Variants in COL4A4 observed in about 807,000 individuals in gnomAD.
The protein encoded by COL4A4 is collagen type IV alpha 4 chain, also known as collagen alpha-4(IV) chain.
A neutral mutation model predicts 192.9 loss-of-function variants in COL4A4; 105 were observed. The ratio of observed to expected loss-of-function variants is 0.54; its 90% CI spans 0.46 to 0.64. The LOEUF (loss-of-function observed/expected upper bound fraction) is 0.64. Ranked by LOEUF, COL4A4 falls within the 30% of genes least tolerant of loss-of-function variation. The pLI, the probability that COL4A4 is intolerant of heterozygous loss-of-function variation, is 0.00. For synonymous variants in COL4A4, 762 were observed against 769.9 expected (o/e 0.99, Z 0.17); for missense variants, 1,967 against 2,169.3 (o/e 0.91, Z 1.85).
Position 227,124,929 on chromosome 2 carries a change from G to A in COL4A4, c.193-3781C>T, listed in dbSNP as rs149053676. On this transcript the variant is annotated intron_variant, in intron 4 of 47. Transcript: ENST00000396625. ...CTTCCCCAAATTATCTTTTGTGAAT[G>A]CAGTACTTTACAGTAATGTATTATT... Among the ~76,000 whole-genome samples, 587 of 152,268 alleles carry A rather than the reference G, an allele frequency of 3.9e-3. 1 individual carries two copies. Among genetic ancestry groups the A allele is most frequent in the African/African-American group, 0.014 (564 of 41,554 alleles).
chr2:226,974,445 G>C, the COL4A4 span, among the ~76,000 whole-genome samples: 1 of 152,016 alleles, frequency 6.6e-6, no homozygotes, highest in African/African-American at 2.4e-5. Flanking sequence ...CACCGTGTTA[G>C]CCAGGATGGT....
At chr2:226,978,090 A>C in the COL4A4 span, among the ~76,000 whole-genome samples, 4 of 152,100 alleles carry the variant, frequency 2.6e-5, no homozygotes, top group African/African-American at 9.7e-5. Context: ...TTCTACTGTG[A>C]GATAATTATC....
chr2:227,160,208 G>C (rs1056733392), intron 1 of COL4A4, among the ~76,000 whole-genome samples: 1 of 152,236 alleles, frequency 6.6e-6, no homozygotes, highest in African/African-American at 2.4e-5. Flanking sequence ...TCCAAGAAAT[G>C]TGAAATCAGT....
intron 25 of COL4A4, 32 bp downstream of exon 25, chr2:227,077,862 T>C (rs765064308): frequency 5.7e-6 from 9 of 1,572,996 alleles, no homozygotes; most frequent in African/African-American, 1.4e-5. Flanking sequence ...ACCCCAAAGC[T>C]ATTGAAATAA....
chr2:227,052,861 T>G (rs1349054459), intron 31 of COL4A4, among the ~76,000 whole-genome samples: 1 of 152,182 alleles, frequency 6.6e-6, no homozygotes, highest in Non-Finnish European at 1.5e-5. Flanking sequence ...CCCCTCACAC[T>G]GACTTCTGAA....
Position 227,089,851 on chromosome 2 carries a change from C to A in COL4A4, c.1459+17G>T. 2 of 1,598,208 alleles carry A rather than the reference C, an allele frequency of 1.3e-6. No individual in the cohort carries two copies. The highest frequency in any genetic ancestry group is 1.7e-6 in the Non-Finnish European group (2 of 1,165,880). On this transcript the variant is annotated intron_variant, in intron 21 of 47. Coordinates refer to ENST00000396625, the MANE Select transcript of COL4A4 (RefSeq NM_000092.5). ...TACAGTTGTCTTCTAGAAATTCTAC[C>A]TTTGGTGCCTACTTGCCTTTTTCTC... is the stretch of plus-strand genomic sequence containing the variant.
intron 44 of COL4A4, among the ~76,000 whole-genome samples, chr2:227,021,793 C>G (rs531293735): frequency 6.6e-6 from 1 of 151,840 alleles, no homozygotes; most frequent in East Asian, 1.9e-4. Flanking sequence ...CCACTGCACT[C>G]CAGCCTGGGC....
chr2:227,038,912 ACT>A (rs1179864064), intron 37 of COL4A4, among the ~76,000 whole-genome samples: 1 of 152,172 alleles, frequency 6.6e-6, no homozygotes, highest in Non-Finnish European at 1.5e-5. Flanking sequence ...AATGTATTTC[ACT>A]GTTTTGTTTT....
Position 227,133,344 on chromosome 2 carries a change from T to C in COL4A4, c.192+6817A>G, listed in dbSNP as rs77690944. 8.0e-3 allele frequency among the ~76,000 whole-genome samples: 1,224 copies of C among 152,256 alleles called. 26 individuals are homozygous for C. The highest frequency in any genetic ancestry group is 0.028 in the African/African-American group (1,175 of 41,530). On this transcript the variant is annotated intron_variant, in intron 4 of 47. Transcript: ENST00000396625. ...ACGTAGACTCGGTCTGTTTGGAAAA[T>C]AGGTAATACATTCTACAGTGTAGTA...
Position 227,026,751 on chromosome 2 carries a change from A to G in COL4A4, c.4082-941T>C, listed in dbSNP as rs189315657. ...CTCTTCCTTGTCGTAATTTGACCCT[A>G]TGGTTAAAAAGTGTTGCCTATAGAG... is the stretch of plus-strand genomic sequence containing the variant. On this transcript the variant is annotated intron_variant, in intron 42 of 47. Coordinates refer to ENST00000396625, the MANE Select transcript of COL4A4 (RefSeq NM_000092.5). 5.9e-5 allele frequency among the ~76,000 whole-genome samples: 9 copies of G among 152,266 alleles called. No individual in the cohort carries two copies. In the East Asian group the frequency reaches 1.2e-3, roughly 20 times the overall value.
chr2:226,970,420 C>T, the COL4A4 span, among the ~76,000 whole-genome samples: 7 of 152,076 alleles, frequency 4.6e-5, no homozygotes, highest in African/African-American at 1.7e-4. Flanking sequence ...ACCTTTGTCT[C>T]ATGATATGAG....
chr2:226,968,185 A>G, the COL4A4 span, among the ~76,000 whole-genome samples: 1 of 152,240 alleles, frequency 6.6e-6, no homozygotes. Context: ...TAAGAGTTGT[A>G]TAAACTGGAA....
In COL4A4 at chr2:227,119,241, C is replaced by T. The variant is rs539476660; in HGVS notation, c.373-480G>A. ...ATTTTTTCTCTAACCTGTTAGAAAA[C>T]GTTGCTTTCCAAGTAAAGTGTTTTG... On this transcript the variant is annotated intron_variant, in intron 6 of 47. Coordinates refer to ENST00000396625, the MANE Select transcript of COL4A4 (RefSeq NM_000092.5). Among the ~76,000 whole-genome samples, 353 of 151,880 alleles carry T rather than the reference C, an allele frequency of 2.3e-3. 2 individuals are homozygous for T. Among genetic ancestry groups the T allele is most frequent in the African/African-American group, 8.3e-3 (343 of 41,470 alleles).
intron 28 of COL4A4, among the ~76,000 whole-genome samples, chr2:227,058,645 A>G (rs773035200): frequency 1.3e-5 from 2 of 152,130 alleles, no homozygotes; most frequent in Non-Finnish European, 2.9e-5. Flanking sequence ...TAAACATCTG[A>G]TCTGTGGTTC....
In COL4A4 at chr2:227,140,195, G is replaced by C. The variant is rs771913348; in HGVS notation, c.158C>G (p.Ser53Cys). The C allele has an allele frequency of 3.1e-6, 5 of 1,614,054 alleles. No individual in the cohort carries two copies. In the African/African-American group the frequency reaches 4.0e-5, roughly 13 times the overall value. Residue 53 changes from serine (S) to cysteine (C), a missense_variant, in exon 4 of 48, where the codon TCT (serine) becomes TGT (cysteine). Physicochemically the swap from Ser to Cys is moderately radical, Grantham distance 112 (BLOSUM62 -1). Transcript: ENST00000396625. ...YIGPCGGRDC[S>C]VCHCVPEKGS... is the part of the protein sequence containing the mutation. ...CTTTTCAGGAACACAGTGGCAAACA[G>C]AGCAATCTCTTCCTCCACAAGGACC...
intron 38 of COL4A4, 98 bp from the exon 39 acceptor site, chr2:227,032,374 G>T: frequency 7.1e-7 from 1 of 1,407,736 alleles, no homozygotes; most frequent in Non-Finnish European, 9.8e-7. Flanking sequence ...GCAGAGGAGT[G>T]GCTGGTTCTG....
chr2:227,101,323 G>T lies in COL4A4; in HGVS notation c.1029+181C>A, dbSNP rs537151341. 3.6e-4 allele frequency among the ~76,000 whole-genome samples: 54 copies of T among 152,054 alleles called. No individual in the cohort carries two copies. The South Asian group carries it at 0.011, about 30-fold the overall frequency. On this transcript the variant is annotated intron_variant, in intron 17 of 47. Transcript: ENST00000396625. ...TTCTTTTGTAAATTGTCCAGTCTTGGATATGTCTTTATCAGCAACATGAAA... is the reference window on the plus strand; with the variant it reads ...TTCTTTTGTAAATTGTCCAGTCTTGTATATGTCTTTATCAGCAACATGAAA...
At chr2:226,978,918 C>G in the COL4A4 span, among the ~76,000 whole-genome samples, 65,545 of 151,866 alleles carry the variant, frequency 0.43, 14,221 homozygotes, top group South Asian at 0.52. Flanking sequence ...AAGACAGGAG[C>G]GAGTGTGGGG....
Position 227,011,603 on chromosome 2 carries a change from C to T in COL4A4, c.4333+578G>A, listed in dbSNP as rs1029024567. ...GTGTCTCAGGCTCTTTGGATCCATGCGCCTAACGAGCTACATGGTGCATTG... is the reference window on the plus strand; with the variant it reads ...GTGTCTCAGGCTCTTTGGATCCATGTGCCTAACGAGCTACATGGTGCATTG... On this transcript the variant is annotated intron_variant, in intron 45 of 47. Coordinates refer to ENST00000396625, the MANE Select transcript of COL4A4 (RefSeq NM_000092.5). Among the ~76,000 whole-genome samples the T allele has an allele frequency of 6.6e-5, 10 of 152,298 alleles. No individual in the cohort carries two copies. The East Asian group carries it at 9.6e-4, about 15-fold the overall frequency.
Sources: gnomAD v4.1 joint callset for allele counts (sites outside exome capture counted in the v4.1 genomes callset) on GRCh38, gnomAD v4.1.1 for gene constraint, MANE v1.5 for transcripts, NCBI Gene and HGNC (gene_info 2026-07-23, HGNC 2026-07-21) for gene names.